Variants in GABBR2 observed in about 807,000 individuals in gnomAD.
The protein encoded by GABBR2 is G-protein coupled receptor 51.
In GABBR2, 23 loss-of-function variants were observed where a neutral mutation model predicts 105.6. The ratio of observed to expected loss-of-function variants is 0.22; its 90% confidence interval spans 0.16 to 0.31. The LOEUF (loss-of-function observed/expected upper bound fraction) is 0.31, where lower values mean the gene tolerates loss of function less well. Among genes scored for constraint, GABBR2 ranks in the 10% least tolerant of loss-of-function variants. GABBR2 has a pLI of 1.00. For synonymous variants in GABBR2, 478 were observed against 499.7 expected (o/e 0.96, Z 0.58); for missense variants, 734 against 1,245.5 (o/e 0.59, Z 6.18).
In GABBR2 at chr9:98,385,853, T is replaced by C; in HGVS notation, c.1530-81A>G. 2.7e-6 allele frequency: 3 copies of C among 1,110,820 alleles called. No individual in the cohort carries two copies. In the South Asian group the frequency reaches 3.9e-5, roughly 14 times the overall value. The allele number at this position is 1,110,820 out of a possible 1,614,324, so 68.8% of individuals were successfully genotyped here. A position where few individuals can be genotyped will look rare whatever the true frequency, so the allele number is the denominator to read the frequency against. ...CAACAGGTATTTTCTAAACGCCTGC[T>C]AGATATATATTGTTGCTCAGGCTAG... is the stretch of plus-strand genomic sequence containing the variant. On this transcript the variant is annotated intron_variant, in intron 10 of 18. Coordinates refer to ENST00000259455, the MANE Select transcript of GABBR2 (RefSeq NM_005458.8).
At chr9:98,630,764 G>A (rs985427404) in intron 1 of GABBR2, among the ~76,000 whole-genome samples, 7 of 152,280 alleles carry the variant, frequency 4.6e-5, no homozygotes, top group Middle Eastern at 3.4e-3. Context: ...AATGAAAAAG[G>A]AGAGTTGAAT....
intron 1 of GABBR2, among the ~76,000 whole-genome samples, chr9:98,592,827 A>C (rs541675309): frequency 1.2e-4 from 19 of 152,138 alleles, no homozygotes; most frequent in Non-Finnish European, 2.1e-4. Flanking sequence ...TAAAAGGGTG[A>C]ATGGTAGATG....
At chr9:98,326,402 T>G (rs1418263309) in intron 13 of GABBR2, among the ~76,000 whole-genome samples, 2 of 152,224 alleles carry the variant, frequency 1.3e-5, no homozygotes, top group Admixed American at 6.5e-5. Flanking sequence ...CTCAAGGAAC[T>G]GACCAAAGAA....
intron 1 of GABBR2, among the ~76,000 whole-genome samples, chr9:98,650,455 A>G (rs1830089468): frequency 6.6e-6 from 1 of 152,226 alleles, no homozygotes; most frequent in South Asian, 2.1e-4. Context: ...CAAATTTCAA[A>G]ATACCTTTGC....
intron 6 of GABBR2, among the ~76,000 whole-genome samples, chr9:98,464,178 T>C (rs1429163585): frequency 1.5e-5 from 2 of 136,296 alleles, no homozygotes; most frequent in East Asian, 2.4e-4. Context: ...CCATCCCGTC[T>C]AGGAATTGAG....
intron 1 of GABBR2, among the ~76,000 whole-genome samples, chr9:98,651,931 C>T (rs56693766): frequency 0.091 from 13,766 of 152,018 alleles, 947 homozygotes; most frequent in African/African-American, 0.19. Flanking sequence ...ACTTATCTTT[C>T]AGACATACAA....
intron 1 of GABBR2, among the ~76,000 whole-genome samples, chr9:98,627,127 C>T (rs1829748668): frequency 6.6e-6 from 1 of 152,110 alleles, no homozygotes; most frequent in Non-Finnish European, 1.5e-5. Flanking sequence ...TCACGGAGGC[C>T]AGCCTCAGCC....
At position 98,402,796 on chromosome 9, in the gene GABBR2, G is replaced by A. The variant is rs139626885; in HGVS notation, c.1297+3285C>T. On this transcript the variant is annotated intron_variant, in intron 8 of 18. Coordinates refer to ENST00000259455, the MANE Select transcript of GABBR2 (RefSeq NM_005458.8). The stretch of plus-strand genomic sequence containing the variant: ...CTGACACAGGGCTGCTCCTGGAGGC[G>A]TTAACTCCCTGGATGGCTCATCGCA... 9.9e-3 allele frequency among the ~76,000 whole-genome samples: 1,514 copies of A among 152,214 alleles called. 12 individuals carry two copies. The highest frequency in any genetic ancestry group is 0.024 in the Middle Eastern group (7 of 294).
chr9:98,679,541 C>A (rs1474282924), intron 1 of GABBR2, among the ~76,000 whole-genome samples: 1 of 152,190 alleles, frequency 6.6e-6, no homozygotes, highest in Non-Finnish European at 1.5e-5. Flanking sequence ...TGGAGCTGCT[C>A]AAGAATATTT....
intron 3 of GABBR2, among the ~76,000 whole-genome samples, chr9:98,508,741 GTTGT>G (rs763678179): frequency 5.1e-4 from 76 of 149,412 alleles, no homozygotes; most frequent in Non-Finnish European, 9.5e-4. Flanking sequence ...TGCTGAGTTA[GTTGT>G]TTGATTAGGT....
chr9:98,477,255 C>T (rs1330352130), intron 5 of GABBR2, among the ~76,000 whole-genome samples: 1 of 152,058 alleles, frequency 6.6e-6, no homozygotes, highest in African/African-American at 2.4e-5. Context: ...TTTCTTTTTT[C>T]TTGAGACAGG....
At chr9:98,382,506 G>A (rs746682195) in intron 11 of GABBR2, among the ~76,000 whole-genome samples, 9 of 152,238 alleles carry the variant, frequency 5.9e-5, no homozygotes, top group Non-Finnish European at 1.2e-4. Flanking sequence ...AGTAGAGATG[G>A]GGTTTGCCAT....
At chr9:98,636,738 C>T (rs1165720254) in intron 1 of GABBR2, among the ~76,000 whole-genome samples, 1 of 152,006 alleles carries the variant, frequency 6.6e-6, no homozygotes, top group Non-Finnish European at 1.5e-5. Context: ...AGGCAATCTG[C>T]CCACCTCAGC....
At chr9:98,620,307 A>C (rs1331707532) in intron 1 of GABBR2, among the ~76,000 whole-genome samples, 1 of 151,140 alleles carries the variant, frequency 6.6e-6, no homozygotes, top group African/African-American at 2.4e-5. Context: ...TGTAGCTTGC[A>C]AAGATAAGAC....
At chr9:98,472,317 C>T (rs957518503) in intron 6 of GABBR2, among the ~76,000 whole-genome samples, 1 of 152,166 alleles carries the variant, frequency 6.6e-6, no homozygotes, top group Admixed American at 6.5e-5. Context: ...TTTGGAAATA[C>T]TTTTACATGT....
At chr9:98,440,288 T>A (rs1826007232) in intron 7 of GABBR2, among the ~76,000 whole-genome samples, 1 of 152,182 alleles carries the variant, frequency 6.6e-6, no homozygotes, top group South Asian at 2.1e-4. Flanking sequence ...AGATGTCCCA[T>A]CTCTATTTAC....
intron 2 of GABBR2, among the ~76,000 whole-genome samples, chr9:98,552,433 C>A (rs2131750443): frequency 6.6e-6 from 1 of 152,298 alleles, no homozygotes; most frequent in Middle Eastern, 3.4e-3. Flanking sequence ...AAGCTTCTGA[C>A]AAAACACTGT....
At chr9:98,379,747 AT>A (rs1831939474) in intron 11 of GABBR2, among the ~76,000 whole-genome samples, 1 of 152,222 alleles carries the variant, frequency 6.6e-6, no homozygotes, top group African/African-American at 2.4e-5. Flanking sequence ...ACATGATCTC[AT>A]TTAATCCTCA....
intron 1 of GABBR2, among the ~76,000 whole-genome samples, chr9:98,641,624 C>T (rs1829963376): frequency 1.3e-5 from 2 of 152,198 alleles, no homozygotes; most frequent in Non-Finnish European, 2.9e-5. Context: ...AGTTCCTCTT[C>T]CTTCCTCTGT....
Sources: gnomAD v4.1 joint callset for allele counts (sites outside exome capture counted in the v4.1 genomes callset) on GRCh38, gnomAD v4.1.1 for gene constraint, MANE v1.5 for transcripts, NCBI Gene and HGNC (gene_info 2026-07-23, HGNC 2026-07-21) for gene names.